SGPP2: variants seen among roughly 807,000 people sequenced by gnomAD.
SGPP2 encodes the protein sphingosine 1-phosphate phosphohydrolase 2.
A neutral mutation model predicts 33.9 loss-of-function variants in SGPP2; 30 were observed. The ratio of observed to expected loss-of-function variants is 0.89; its 90% CI spans 0.66 to 1.20. The LOEUF (loss-of-function observed/expected upper bound fraction) is 1.20. Ranked by LOEUF, SGPP2 falls within the 50% of genes most tolerant of loss-of-function variation. The pLI is 0.00. For missense variants in SGPP2, 458 were observed against 532.1 expected (o/e 0.86, Z 1.37); for synonymous variants, 233 against 225.0 (o/e 1.04, Z -0.32).
chr2:222,480,521 C>G (rs879537107), intron 2 of SGPP2, among the ~76,000 whole-genome samples: 7 of 152,218 alleles, frequency 4.6e-5, no homozygotes, highest in African/African-American at 1.2e-4. Context: ...AGGTGAGCCA[C>G]AGATTCATAT....
upstream of SGPP2, chr2:222,424,510 CGGGATCGGCGGGGGCGAGGCGGGAGTGG>C: frequency 1.1e-6 from 1 of 908,582 alleles, no homozygotes; most frequent in Non-Finnish European, 1.4e-6. Context: ...GCCCGGAGTG[CGGGATCGGCGGGGGCGAGGCGGGAGTGG>C]CGGTGCCAGC....
At chr2:222,532,511 T>C (rs1042527784) in intron 4 of SGPP2, among the ~76,000 whole-genome samples, 1 of 152,088 alleles carries the variant, frequency 6.6e-6, no homozygotes, top group Non-Finnish European at 1.5e-5. Context: ...CGCATGGCTG[T>C]GTCATCATCC....
chr2:222,428,767 GA>G (rs1026417567), intron 1 of SGPP2, among the ~76,000 whole-genome samples: 11 of 146,764 alleles, frequency 7.5e-5, no homozygotes, highest in South Asian at 6.5e-4. Context: ...CAGAGTGGGG[GA>G]AAAAAAACAT....
intron 2 of SGPP2, among the ~76,000 whole-genome samples, chr2:222,484,590 C>T (rs10176846): frequency 0.31 from 47,133 of 152,014 alleles, 7,910 homozygotes; most frequent in African/African-American, 0.41. Context: ...GGACTTATGC[C>T]AGCTGTAATG....
chr2:222,476,615 AT>A lies in SGPP2; in HGVS notation c.378+1890del, dbSNP rs1697936416. On this transcript the variant is annotated intron_variant, in intron 2 of 4. Coordinates refer to ENST00000321276, the MANE Select transcript of SGPP2 (RefSeq NM_152386.4). The surrounding 1 kb of genome is among the most constrained non-coding windows in gnomAD (Gnocchi z 4.3). The stretch of plus-strand genomic sequence containing the variant: ...TGGGAGTGGTCCTTCTGTTCTTAAC[AT>A]CTGAAAACCCTTGGAAAACCTATGG... Among the ~76,000 whole-genome samples, 1 of 152,078 alleles carries A rather than the reference AT, an allele frequency of 6.6e-6. No homozygotes were observed. Among genetic ancestry groups the A allele is most frequent in the African/African-American group, 2.4e-5 (1 of 41,388 alleles).
Position 222,558,805 on chromosome 2 carries a change from T to G in SGPP2, c.1107T>G (p.Ile369Met), listed in dbSNP as rs1689468573. The change falls in exon 5 of 5, where the codon ATT becomes ATG. Residue 369 changes from isoleucine (I) to methionine (M), a missense_variant. Physicochemically the swap from Ile to Met is conservative, Grantham distance 10. Coordinates refer to ENST00000321276, the MANE Select transcript of SGPP2 (RefSeq NM_152386.4). ...AGGAGGCCAGGCGGAGACTGGAGATTGAAGTGCCTTACAAGTTTGTTACCT... is the reference window on the plus strand; with the variant it reads ...AGGAGGCCAGGCGGAGACTGGAGATGGAAGTGCCTTACAAGTTTGTTACCT... ...RNKEARRRLE[I>M]EVPYKFVTYT... 1 of 1,614,174 alleles carries G rather than the reference T, an allele frequency of 6.2e-7. No homozygotes were observed. The highest frequency in any genetic ancestry group is 8.5e-7 in the Non-Finnish European group (1 of 1,180,022).
intron 4 of SGPP2, among the ~76,000 whole-genome samples, chr2:222,549,935 G>A (rs1346375610): frequency 1.3e-5 from 2 of 149,552 alleles, no homozygotes; most frequent in Non-Finnish European, 3.0e-5. Context: ...TGAATACAGT[G>A]GCACAATCTC....
At chr2:222,469,701 A>T (rs189674273) in intron 1 of SGPP2, among the ~76,000 whole-genome samples, 1 of 152,298 alleles carries the variant, frequency 6.6e-6, no homozygotes, top group Non-Finnish European at 1.5e-5. Flanking sequence ...GGAACAACAC[A>T]CACACTGGAA....
intron 1 of SGPP2, among the ~76,000 whole-genome samples, chr2:222,438,930 A>G (rs994059530): frequency 1.3e-5 from 2 of 152,172 alleles, no homozygotes; most frequent in African/African-American, 2.4e-5. Context: ...CAGGGAGCCA[A>G]TGGGGGGGTT....
At chr2:222,463,666 G>A (rs1697699072) in intron 1 of SGPP2, among the ~76,000 whole-genome samples, 1 of 152,094 alleles carries the variant, frequency 6.6e-6, no homozygotes, top group African/African-American at 2.4e-5. Flanking sequence ...AAATTGTGTG[G>A]CCATTTAGCC....
At chr2:222,431,273 G>A (rs1697151240) in intron 1 of SGPP2, among the ~76,000 whole-genome samples, 2 of 152,186 alleles carry the variant, frequency 1.3e-5, no homozygotes, top group African/African-American at 2.4e-5. Context: ...GGGAGGCCAA[G>A]GAAGTCGGAT....
In SGPP2 at chr2:222,550,106, G is replaced by A. The variant is rs186567301; in HGVS notation, c.649-8241G>A. Among the ~76,000 whole-genome samples, 161 of 151,980 alleles carry A rather than the reference G, an allele frequency of 1.1e-3. 1 individual carries two copies. The highest frequency in any genetic ancestry group is 1.9e-3 in the Non-Finnish European group (127 of 67,942). On this transcript the variant is annotated intron_variant, in intron 4 of 4. Coordinates refer to ENST00000321276, the MANE Select transcript of SGPP2 (RefSeq NM_152386.4). The surrounding 1 kb of genome is among the most constrained non-coding windows in gnomAD (Gnocchi z 4.5). ...TATTGGCCAGACTGGTCCTGAACTCGTGACCTCGTGATCCACCCGCCTCGG... is the reference window on the plus strand; with the variant it reads ...TATTGGCCAGACTGGTCCTGAACTCATGACCTCGTGATCCACCCGCCTCGG...
intron 4 of SGPP2, among the ~76,000 whole-genome samples, chr2:222,534,654 G>A (rs1698887781): frequency 6.6e-6 from 1 of 152,098 alleles, no homozygotes; most frequent in Non-Finnish European, 1.5e-5. Flanking sequence ...AAAGCCGATG[G>A]CAATATAAAT....
intron 4 of SGPP2, among the ~76,000 whole-genome samples, chr2:222,543,566 T>A (rs1418305628): frequency 6.6e-6 from 1 of 152,246 alleles, no homozygotes; most frequent in East Asian, 1.9e-4. Flanking sequence ...TATGCTGTCA[T>A]AAAAGTTATG....
intron 2 of SGPP2, among the ~76,000 whole-genome samples, chr2:222,496,301 A>G (rs114105290): frequency 0.017 from 2,516 of 152,338 alleles, 57 homozygotes; most frequent in African/African-American, 0.057. Context: ...TTTCCAAAGT[A>G]GTAAGCAGAG....
intron 4 of SGPP2, among the ~76,000 whole-genome samples, chr2:222,551,040 G>C (rs1214600041): frequency 2.0e-5 from 3 of 151,420 alleles, no homozygotes; most frequent in Non-Finnish European, 2.9e-5. Context: ...TTTGTTCTTT[G>C]CAAAGTAAAG....
chr2:222,434,055 G>T (rs1697198416), intron 1 of SGPP2, among the ~76,000 whole-genome samples: 1 of 152,124 alleles, frequency 6.6e-6, no homozygotes. Context: ...AGGCATTCTT[G>T]CATTTTATCC....
chr2:222,519,978 G>A (rs888330851), intron 2 of SGPP2, among the ~76,000 whole-genome samples: 2 of 152,210 alleles, frequency 1.3e-5, no homozygotes, highest in Non-Finnish European at 2.9e-5. Flanking sequence ...ATGAACAGAT[G>A]AGCATATGTG....
chr2:222,426,694 A>G (rs1697076634), intron 1 of SGPP2, among the ~76,000 whole-genome samples: 1 of 152,228 alleles, frequency 6.6e-6, no homozygotes, highest in South Asian at 2.1e-4. Flanking sequence ...ATAATGGGGG[A>G]AATCATAAAC....
Sources: allele counts gnomAD v4.1 joint callset (sites outside exome capture counted in the v4.1 genomes callset), GRCh38; gene constraint gnomAD v4.1.1; non-coding constraint Gnocchi (gnomAD v3.1); transcripts MANE v1.5; gene names NCBI Gene and HGNC (gene_info 2026-07-23, HGNC 2026-07-21).